The following N4BP2L1 variants were observed in gnomAD, a reference collection of about 807,000 sequenced individuals.
N4BP2L1 encodes NEDD4-binding protein 2-like 1.
In N4BP2L1, 12 loss-of-function variants were observed where a neutral mutation model predicts 21.2. The ratio of observed to expected loss-of-function variants is 0.57; its 90% CI spans 0.36 to 0.92. The LOEUF (loss-of-function observed/expected upper bound fraction) is 0.92. Among genes scored for constraint, N4BP2L1 ranks in the 40% least tolerant of loss-of-function variants. N4BP2L1 has a pLI of 0.01. For synonymous variants in N4BP2L1, 104 were observed against 112.8 expected (o/e 0.92, Z 0.49); for missense variants, 259 against 310.6 (o/e 0.83, Z 1.25).
At chr13:32,405,963 C>T (rs1272315692) in intron 3 of N4BP2L1, among the ~76,000 whole-genome samples, 1 of 138,596 alleles carries the variant, frequency 7.2e-6, no homozygotes, top group Non-Finnish European at 1.5e-5. Context: ...AGTGCAGTGG[C>T]ACGATCTCAG....
intron 1 of N4BP2L1, chr13:32,419,349 G>A: frequency 2.5e-6 from 1 of 403,870 alleles, no homozygotes; most frequent in Non-Finnish European, 4.8e-6. Flanking sequence ...GGGTTCAAGT[G>A]ATTCTCCTGC....
chr13:32,414,209 A>T (rs574799142), intron 1 of N4BP2L1, among the ~76,000 whole-genome samples: 6 of 152,108 alleles, frequency 3.9e-5, no homozygotes, highest in South Asian at 2.1e-4. Flanking sequence ...ATAGCAAATT[A>T]TTTCCCACCT....
At chr13:32,426,272 A>G (rs1397740691) in intron 1 of N4BP2L1, among the ~76,000 whole-genome samples, 2 of 152,212 alleles carry the variant, frequency 1.3e-5, no homozygotes, top group Admixed American at 6.5e-5. Context: ...GGCAGGCCAC[A>G]GATCAGCAAA....
chr13:32,423,416 CTT>C lies in N4BP2L1; in HGVS notation c.179+4486_179+4487del, dbSNP rs201159536. On this transcript the variant is annotated intron_variant, in intron 1 of 4. Transcript: ENST00000380130. ...ATGTACTACAGGGTGGTTCCCCTGA[CTT>C]TGCTTTGATTGAAATGTAAAGATTC... is the stretch of plus-strand genomic sequence containing the variant. Among the ~76,000 whole-genome samples the C allele has an allele frequency of 7.2e-5, 11 of 152,282 alleles. No homozygotes were observed. In the East Asian group the frequency reaches 2.1e-3, roughly 29 times the overall value.
upstream of N4BP2L1, among the ~76,000 whole-genome samples, chr13:32,429,087 A>T (rs2074929128): frequency 6.6e-6 from 1 of 152,272 alleles, no homozygotes; most frequent in Admixed American, 6.5e-5. Context: ...TATAATAATT[A>T]TTGTAAAGTA....
intron 1 of N4BP2L1, among the ~76,000 whole-genome samples, chr13:32,417,848 G>A (rs913339149): frequency 2.6e-5 from 4 of 152,154 alleles, no homozygotes; most frequent in Non-Finnish European, 1.5e-5. Context: ...GAGACTGGTG[G>A]CATTTTGCCC....
Position 32,402,018 on chromosome 13 carries a change from G to A in N4BP2L1, c.*924C>T. On this transcript the variant is annotated 3_prime_UTR_variant, in exon 5 of 5. Transcript: ENST00000380130. ...AAACATCAACTGCTCATTTTGTAATGAGCATGGCTTTTATATATCCCTGTA... is the reference window on the plus strand; with the variant it reads ...AAACATCAACTGCTCATTTTGTAATAAGCATGGCTTTTATATATCCCTGTA... The A allele has an allele frequency of 2.0e-6, 2 of 985,368 alleles. No homozygotes were observed. Among genetic ancestry groups the A allele is most frequent in the Non-Finnish European group, 2.4e-6 (2 of 829,902 alleles). 61.0% of individuals were successfully genotyped at this position (985,368 alleles called of 1,614,324 possible).
At chr13:32,419,031 G>T (rs975835994) in intron 1 of N4BP2L1, among the ~76,000 whole-genome samples, 2 of 152,072 alleles carry the variant, frequency 1.3e-5, no homozygotes, top group Admixed American at 6.6e-5. Flanking sequence ...AGACTTTGGG[G>T]GACTGTTAGG....
At chr13:32,410,524 A>C (rs1227277647) in intron 1 of N4BP2L1, among the ~76,000 whole-genome samples, 1 of 152,182 alleles carries the variant, frequency 6.6e-6, no homozygotes, top group Non-Finnish European at 1.5e-5. Context: ...TATAAAGAAG[A>C]CTTGATGAAC....
chr13:32,427,933 G>A lies in N4BP2L1; in HGVS notation c.150C>T (p.Leu50=). 6.6e-7 allele frequency: 1 copy of A among 1,525,182 alleles called. No homozygotes were observed. Among genetic ancestry groups the A allele is most frequent in the Non-Finnish European group, 8.8e-7 (1 of 1,135,170 alleles). 94.5% of individuals were successfully genotyped at this position (1,525,182 alleles called of 1,614,324 possible). A position where few individuals can be genotyped will look rare whatever the true frequency, so the allele number is the denominator to read the frequency against. ...CCAGTGTAGTTTTCCCGGAGCCCGG[G>A]AGGCCTCGCAGGAGGTAGAGGTGTT... The part of the protein sequence containing the change: ...FRKHLYLLRG[L]PGSGKTTLAR... The change falls in exon 1 of 5, where the codon CTC becomes CTT. Residue 50 remains leucine (L), a synonymous_variant. Coordinates refer to ENST00000380130, the MANE Select transcript of N4BP2L1 (RefSeq NM_052818.3).
chr13:32,415,593 T>A (rs1341813969), intron 1 of N4BP2L1, among the ~76,000 whole-genome samples: 1 of 152,224 alleles, frequency 6.6e-6, no homozygotes, highest in African/African-American at 2.4e-5. Context: ...TTACTTTAGA[T>A]TCTTTTATAT....
chr13:32,407,558 T>A (rs1158143994), intron 2 of N4BP2L1, 87 bp downstream of exon 2: 1 of 1,603,466 alleles, frequency 6.2e-7, no homozygotes, highest in Non-Finnish European at 8.5e-7. Context: ...TCGGTTAAAC[T>A]CCTTCCATAA....
At chr13:32,408,681 A>G (rs1039937309) in intron 1 of N4BP2L1, among the ~76,000 whole-genome samples, 46 of 152,376 alleles carry the variant, frequency 3.0e-4, no homozygotes, top group African/African-American at 1.1e-3. Context: ...AACCCAGCCA[A>G]CAAACAGAAA....
At position 32,402,854 on chromosome 13, in the gene N4BP2L1, G is replaced by T; in HGVS notation, c.*88C>A. 6.7e-7 allele frequency: 1 copy of T among 1,494,422 alleles called. No homozygotes were observed. 92.6% of individuals were successfully genotyped at this position (1,494,422 alleles called of 1,614,324 possible). A position where few individuals can be genotyped will look rare whatever the true frequency, so the allele number is the denominator to read the frequency against. ...GAGTTCAGCTATTTACACTGGAATT[G>T]GAGCTCTGACTAAAATGCAACAAAA... On this transcript the variant is annotated 3_prime_UTR_variant, in exon 5 of 5. Transcript: ENST00000380130.
chr13:32,402,080 C>G lies in N4BP2L1; in HGVS notation c.*862G>C, dbSNP rs2073158923. 1.0e-5 allele frequency: 10 copies of G among 985,226 alleles called. No individual in the cohort carries two copies. Among genetic ancestry groups the G allele is most frequent in the Non-Finnish European group, 1.1e-5 (9 of 829,916 alleles). The allele number at this position is 985,226 out of a possible 1,614,324, so 61.0% of individuals were successfully genotyped here. ...CTGGGGTGCCTAATTTCTTGCACTC[C>G]CAAACATTTGAGCTGCCGACTAATT... On this transcript the variant is annotated 3_prime_UTR_variant, in exon 5 of 5. Coordinates refer to ENST00000380130, the MANE Select transcript of N4BP2L1 (RefSeq NM_052818.3).
intron 1 of N4BP2L1, chr13:32,411,793 G>T (rs906890486): frequency 2.6e-5 from 25 of 972,348 alleles, no homozygotes; most frequent in Non-Finnish European, 2.9e-5. Context: ...GAACCATAGA[G>T]ATATATTTAG....
At chr13:32,414,643 A>AT (rs1483480795) in intron 1 of N4BP2L1, among the ~76,000 whole-genome samples, 1 of 152,036 alleles carries the variant, frequency 6.6e-6, no homozygotes, top group Non-Finnish European at 1.5e-5. Context: ...AAATTCTATT[A>AT]TTTTTTTAAA....
rs942884208 is a variant in N4BP2L1 at position 32,400,889 on chromosome 13, CAG to C, written c.*2051_*2052del. 3.6e-4 allele frequency: 55 copies of C among 152,300 alleles called. No homozygotes were observed. Among genetic ancestry groups the C allele is most frequent in the African/African-American group, 1.3e-3 (53 of 41,578 alleles). 9.4% of individuals were successfully genotyped at this position (152,300 alleles called of 1,614,324 possible). A position where few individuals can be genotyped will look rare whatever the true frequency, so the allele number is the denominator to read the frequency against. On this transcript the variant is annotated 3_prime_UTR_variant, in exon 5 of 5. Transcript: ENST00000380130. Reference sequence around the variant, plus strand: ...ATCAGAAGCCATGGGAGTTGAAAAACAGATCACTTCTACAGGGGATAAAGTTG... The same window carrying C: ...ATCAGAAGCCATGGGAGTTGAAAAACATCACTTCTACAGGGGATAAAGTTG...
chr13:32,427,357 CCCCCGGA>C (rs1187535506), intron 1 of N4BP2L1, among the ~76,000 whole-genome samples: 1 of 152,254 alleles, frequency 6.6e-6, no homozygotes, highest in African/African-American at 2.4e-5. Flanking sequence ...CGGGCCCCCA[CCCCCGGA>C]CCCCTCGTTT....
Sources: gnomAD v4.1 joint callset for allele counts (sites outside exome capture counted in the v4.1 genomes callset) on GRCh38, gnomAD v4.1.1 for gene constraint, MANE v1.5 for transcripts, NCBI Gene and HGNC (gene_info 2026-07-23, HGNC 2026-07-21) for gene names.